TRIM44: variants seen among roughly 807,000 people sequenced by gnomAD.
The protein encoded by TRIM44 is tripartite motif containing 44.
In TRIM44, 13 loss-of-function variants were observed where a neutral mutation model predicts 37.4. The observed-to-expected ratio is 0.35, with a 90% CI of 0.23 to 0.55. The LOEUF is 0.55. TRIM44 is among the 20% of genes least tolerant of loss of function. The pLI is 0.89. For missense variants in TRIM44, 426 were observed against 437.2 expected, an observed-to-expected ratio of 0.97 and a Z score of 0.23; for synonymous variants, 175 against 157.2, an observed-to-expected ratio of 1.11 and a Z score of -0.85.
intron 4 of TRIM44, among the ~76,000 whole-genome samples, chr11:35,757,797 A>G (rs562103328): frequency 6.6e-6 from 1 of 152,254 alleles, no homozygotes; most frequent in African/African-American, 2.4e-5. Flanking sequence ...GTTTCCATGT[A>G]GTTGAGCGGT....
At chr11:35,718,652 G>C (rs1388492954) in intron 2 of TRIM44, among the ~76,000 whole-genome samples, 2 of 152,178 alleles carry the variant, frequency 1.3e-5, no homozygotes, top group East Asian at 1.9e-4. Context: ...TTTGATAAAT[G>C]TATATACCAT....
intron 4 of TRIM44, among the ~76,000 whole-genome samples, chr11:35,803,769 A>C (rs1048811728): frequency 3.3e-5 from 5 of 152,264 alleles, no homozygotes; most frequent in Middle Eastern, 3.4e-3. Context: ...AGATGAGCTT[A>C]TATACAAAGT....
intron 4 of TRIM44, among the ~76,000 whole-genome samples, chr11:35,779,873 A>G (rs368545228): frequency 4.2e-4 from 57 of 136,520 alleles, no homozygotes; most frequent in Admixed American, 1.2e-3. Context: ...CCCTTTGCCT[A>G]TTTTTTTTTT....
chr11:35,695,363 T>TA (rs762237482), intron 2 of TRIM44, among the ~76,000 whole-genome samples: 30 of 152,290 alleles, frequency 2.0e-4, no homozygotes, highest in African/African-American at 7.2e-4. Context: ...ACTTAGACCT[T>TA]AGAGTTCATT....
chr11:35,787,378 CCA>C (rs1385314442), intron 4 of TRIM44, among the ~76,000 whole-genome samples: 2 of 152,180 alleles, frequency 1.3e-5, no homozygotes, highest in African/African-American at 4.8e-5. Context: ...CAGTACATTT[CCA>C]CAGTGTCTCT....
chr11:35,724,513 C>G (rs1852146529), intron 2 of TRIM44: 1 of 152,212 alleles, frequency 6.6e-6, no homozygotes, highest in Non-Finnish European at 1.5e-5. Context: ...TCCCTGCTCC[C>G]TATCTCAGCT....
At chr11:35,703,320 G>C (rs2901620) in intron 2 of TRIM44, among the ~76,000 whole-genome samples, 113,544 of 152,184 alleles carry the variant, frequency 0.75, 43,479 homozygotes, top group African/African-American at 0.93. Context: ...GGCTCCACCT[G>C]TGGGGGCGGG....
At chr11:35,711,342 T>G (rs991630333) in intron 2 of TRIM44, among the ~76,000 whole-genome samples, 14 of 152,174 alleles carry the variant, frequency 9.2e-5, no homozygotes, top group Non-Finnish European at 1.6e-4. Context: ...AAAAACCTGA[T>G]GTTGGCCTCT....
intron 1 of TRIM44, among the ~76,000 whole-genome samples, chr11:35,668,093 C>A (rs992874339): frequency 6.6e-6 from 1 of 152,174 alleles, no homozygotes; most frequent in Non-Finnish European, 1.5e-5. Context: ...TGGAAGCCAT[C>A]TATTCCTGGA....
intron 2 of TRIM44, among the ~76,000 whole-genome samples, chr11:35,709,041 C>T (rs1851930947): frequency 6.6e-6 from 1 of 151,692 alleles, no homozygotes; most frequent in African/African-American, 2.4e-5. Context: ...CAATCCCTTC[C>T]TTTACTCAGG....
rs1852018109 is a variant in TRIM44, at chr11:35,714,758, A to G, written c.748-11166A>G. On this transcript the variant is annotated intron_variant, in intron 2 of 4. Coordinates refer to ENST00000299413, the MANE Select transcript of TRIM44 (RefSeq NM_017583.6). ...ATAAATTCTGTATAGTTGCCCCTCA[A>G]ACTTTCAGTGTCACTTTCCACCTCC... Among the ~76,000 whole-genome samples the G allele has an allele frequency of 4.6e-5, 7 of 152,154 alleles. No individual in the cohort carries two copies. The South Asian group carries it at 1.2e-3, about 27-fold the overall frequency.
chr11:35,664,022 C>T (rs1199652271), intron 1 of TRIM44, among the ~76,000 whole-genome samples: 1 of 152,084 alleles, frequency 6.6e-6, no homozygotes, highest in African/African-American at 2.4e-5. Flanking sequence ...TAGAAAATTG[C>T]AAGTTTCTGG....
At position 35,806,297 on chromosome 11, in the gene TRIM44, G is replaced by T. The variant is rs982317569; in HGVS notation, c.1008-61G>T. 1.9e-6 allele frequency: 3 copies of T among 1,588,716 alleles called. No individual in the cohort carries two copies. The African/African-American group carries it at 4.0e-5, about 21-fold the overall frequency. On this transcript the variant is annotated intron_variant, in intron 4 of 4. Transcript: ENST00000299413. ...ATAAAGTCTGTGCTATCAACCAGTA[G>T]ACTAGGCTGCCTCCCTTCTTGTGAT...
At chr11:35,692,048 C>A (rs1367723252) in intron 2 of TRIM44, among the ~76,000 whole-genome samples, 3 of 152,094 alleles carry the variant, frequency 2.0e-5, no homozygotes, top group Non-Finnish European at 4.4e-5. Flanking sequence ...AGTAGAAAAA[C>A]CGTAAGTCAA....
chr11:35,702,913 G>T (rs181217008), intron 2 of TRIM44, among the ~76,000 whole-genome samples: 2 of 152,360 alleles, frequency 1.3e-5, no homozygotes, highest in Non-Finnish European at 2.9e-5. Flanking sequence ...GCGCAGGACA[G>T]TGGGTGCAGC....
intron 2 of TRIM44, among the ~76,000 whole-genome samples, chr11:35,703,133 G>A (rs1851818728): frequency 6.6e-6 from 1 of 152,218 alleles, no homozygotes; most frequent in Admixed American, 6.5e-5. Context: ...AGGGTCCTAT[G>A]CCCACAGAGT....
intron 4 of TRIM44, among the ~76,000 whole-genome samples, chr11:35,777,321 C>G (rs1852983880): frequency 6.6e-6 from 1 of 152,172 alleles, no homozygotes; most frequent in Non-Finnish European, 1.5e-5. Context: ...GATCTTCCTC[C>G]ATCCCTTTAT....
intron 2 of TRIM44, among the ~76,000 whole-genome samples, chr11:35,709,706 A>G (rs1181770838): frequency 1.3e-5 from 2 of 151,968 alleles, no homozygotes; most frequent in African/African-American, 4.8e-5. Flanking sequence ...CTCCCCAGCT[A>G]CTCTGAGAGA....
At chr11:35,682,551 C>A (rs926021483) in intron 1 of TRIM44, among the ~76,000 whole-genome samples, 3 of 152,160 alleles carry the variant, frequency 2.0e-5, no homozygotes, top group African/African-American at 7.2e-5. Flanking sequence ...AGGTTTTCTT[C>A]ACCACTGATT....
Sources: gnomAD v4.1 joint callset for allele counts (sites outside exome capture counted in the v4.1 genomes callset) on GRCh38, gnomAD v4.1.1 for gene constraint, MANE v1.5 for transcripts, NCBI Gene and HGNC (gene_info 2026-07-23, HGNC 2026-07-21) for gene names.